Variants in DENND1A observed in about 807,000 individuals in gnomAD.
The protein encoded by DENND1A is DENN domain-containing protein 1A.
A neutral mutation model predicts 113.7 loss-of-function variants in DENND1A; 51 were observed. That is an observed-to-expected ratio of 0.45 (90% CI 0.36 to 0.57). DENND1A has a LOEUF of 0.57. Ranked by LOEUF, DENND1A falls within the 20% of genes least tolerant of loss-of-function variation. The pLI, the probability that DENND1A is intolerant of heterozygous loss-of-function variation, is 0.00. For missense variants in DENND1A, 1,258 were observed against 1,395.9 expected (o/e 0.90, Z 1.57); for synonymous variants, 565 against 570.8 (o/e 0.99, Z 0.14).
chr9:123,416,688 G>A (rs1244541786), intron 19 of DENND1A, among the ~76,000 whole-genome samples: 1 of 152,236 alleles, frequency 6.6e-6, no homozygotes, highest in Non-Finnish European at 1.5e-5. Context: ...AGGGGAGAGA[G>A]GGCCGGCGAA....
intron 1 of DENND1A, among the ~76,000 whole-genome samples, chr9:123,891,711 A>G (rs1032236939): frequency 6.6e-6 from 1 of 152,230 alleles, no homozygotes; most frequent in African/African-American, 2.4e-5. Context: ...AAATAAGTAT[A>G]TAACAAATTT....
chr9:123,480,359 C>T (rs1477216951), intron 13 of DENND1A, among the ~76,000 whole-genome samples: 4 of 152,202 alleles, frequency 2.6e-5, no homozygotes, highest in Non-Finnish European at 4.4e-5. Flanking sequence ...CTTAGCTTAG[C>T]GTGCCAGCCC....
intron 13 of DENND1A, among the ~76,000 whole-genome samples, chr9:123,538,947 TAAAGA>T (rs1326280238): frequency 6.7e-6 from 1 of 148,832 alleles, no homozygotes; most frequent in Admixed American, 6.7e-5. Flanking sequence ...AAGTGGTAAA[TAAAGA>T]GAAAGAGTCA....
intron 13 of DENND1A, among the ~76,000 whole-genome samples, chr9:123,497,438 T>A (rs1285784306): frequency 6.6e-6 from 1 of 152,096 alleles, no homozygotes; most frequent in Non-Finnish European, 1.5e-5. Context: ...TCAGCTCAGC[T>A]CCCCAAGTAG....
chr9:123,428,720 C>T (rs938931659), intron 19 of DENND1A, among the ~76,000 whole-genome samples: 1 of 152,202 alleles, frequency 6.6e-6, no homozygotes, highest in Non-Finnish European at 1.5e-5. Context: ...GATACAAAAT[C>T]AATGTGCAAA....
intron 11 of DENND1A, among the ~76,000 whole-genome samples, chr9:123,587,534 TTATAGCCC>T (rs1289531018): frequency 6.6e-6 from 1 of 152,126 alleles, no homozygotes; most frequent in Non-Finnish European, 1.5e-5. Flanking sequence ...ATGAGGGCAT[TTATAGCCC>T]TATCTTATCC....
chr9:123,704,711 T>C (rs144107358), intron 5 of DENND1A, among the ~76,000 whole-genome samples: 31 of 152,198 alleles, frequency 2.0e-4, no homozygotes, highest in African/African-American at 7.5e-4. Flanking sequence ...AAAAACTTAG[T>C]TTCTCATTTT....
At chr9:123,672,145 C>G (rs1376089642) in intron 6 of DENND1A, among the ~76,000 whole-genome samples, 2 of 152,228 alleles carry the variant, frequency 1.3e-5, no homozygotes, top group African/African-American at 4.8e-5. Flanking sequence ...TGTCTCAAAT[C>G]AGCCCTTTAG....
At chr9:123,583,002 TTCCAACTTTC>T (rs1403351140) in intron 12 of DENND1A, among the ~76,000 whole-genome samples, 157 bp downstream of exon 12, 1 of 152,210 alleles carries the variant, frequency 6.6e-6, no homozygotes, top group Non-Finnish European at 1.5e-5. Flanking sequence ...CCTGGCCACC[TTCCAACTTTC>T]TACACTGAGA....
intron 2 of DENND1A, among the ~76,000 whole-genome samples, chr9:123,807,845 A>C (rs1453195032): frequency 6.6e-6 from 1 of 152,202 alleles, no homozygotes; most frequent in Non-Finnish European, 1.5e-5. Context: ...CTATCCCCAG[A>C]AGATCAGGAG....
At chr9:123,583,475 C>T (rs951442164) in intron 11 of DENND1A, among the ~76,000 whole-genome samples, 1 of 152,158 alleles carries the variant, frequency 6.6e-6, no homozygotes, top group African/African-American at 2.4e-5. Context: ...TGACTATCCC[C>T]AAGTCCCAGG....
chr9:123,466,567 G>A (rs2048967852), intron 13 of DENND1A, among the ~76,000 whole-genome samples: 1 of 152,196 alleles, frequency 6.6e-6, no homozygotes, highest in Admixed American at 6.5e-5. Flanking sequence ...AAAGTGCTGG[G>A]ATGACAGGCG....
At chr9:123,755,036 A>G (rs2070398275) in intron 5 of DENND1A, among the ~76,000 whole-genome samples, 1 of 152,174 alleles carries the variant, frequency 6.6e-6, no homozygotes, top group Non-Finnish European at 1.5e-5. Flanking sequence ...CTAAGAACTC[A>G]GTTTAAGCCT....
chr9:123,798,385 T>C (rs975977565), intron 2 of DENND1A: 1 of 152,180 alleles, frequency 6.6e-6, no homozygotes, highest in Non-Finnish European at 1.5e-5. Context: ...CACTGACCTA[T>C]TGTTTTCAGT....
In DENND1A at chr9:123,928,510, T is replaced by C. The variant is rs983739069; in HGVS notation, c.17+1379A>G. 8 of 964,284 alleles carry C rather than the reference T, an allele frequency of 8.3e-6. No homozygotes were observed. In the African/African-American group the frequency reaches 1.4e-4, roughly 17 times the overall value. The allele number at this position is 964,284 out of a possible 1,614,324, so 59.7% of individuals were successfully genotyped here. The stretch of plus-strand genomic sequence containing the variant: ...CCTCCCAAGCCTCTCAAGCTCTTGT[T>C]TGGAGCATGCTTCTAACTTTTTTCT... On this transcript the variant is annotated intron_variant, in intron 1 of 23. Coordinates refer to ENST00000394215, the MANE Select transcript of DENND1A (RefSeq NM_001352964.2).
chr9:123,452,186 C>T (rs2047769667), intron 17 of DENND1A, 90 bp downstream of exon 17: 2 of 1,266,106 alleles, frequency 1.6e-6, no homozygotes, highest in African/African-American at 1.5e-5. Flanking sequence ...AGAGCAAGAC[C>T]CAGTTTCAAA....
intron 13 of DENND1A, among the ~76,000 whole-genome samples, chr9:123,461,431 G>A (rs1360584749): frequency 2.6e-5 from 4 of 152,184 alleles, no homozygotes; most frequent in Non-Finnish European, 5.9e-5. Flanking sequence ...TGGTCTCAGT[G>A]TGTCTCTGAC....
chr9:123,865,188 T>G (rs1387548615), intron 2 of DENND1A, among the ~76,000 whole-genome samples: 1 of 151,772 alleles, frequency 6.6e-6, no homozygotes, highest in Non-Finnish European at 1.5e-5. Context: ...AAACAAGAAG[T>G]GAAAAATGTA....
chr9:123,920,591 G>A (rs1856060745), intron 1 of DENND1A, among the ~76,000 whole-genome samples: 1 of 152,092 alleles, frequency 6.6e-6, no homozygotes, highest in South Asian at 2.1e-4. Context: ...ACAGGGTCTT[G>A]CTCTGTTGCC....
Sources: allele counts gnomAD v4.1 joint callset (sites outside exome capture counted in the v4.1 genomes callset), GRCh38; gene constraint gnomAD v4.1.1; transcripts MANE v1.5; gene names NCBI Gene and HGNC (gene_info 2026-07-23, HGNC 2026-07-21).